Variants in IRAK2 observed in about 807,000 individuals in gnomAD.
IRAK2 encodes interleukin-1 receptor-associated kinase-like 2.
In IRAK2, 57 loss-of-function variants were observed where a neutral mutation model predicts 72.0. The observed-to-expected ratio is 0.79, with a 90% CI of 0.64 to 0.99. The LOEUF is 0.99. IRAK2 is among the 50% of genes least tolerant of loss of function. IRAK2 has a pLI of 0.00. For synonymous variants in IRAK2, 293 were observed against 312.7 expected (o/e 0.94, Z 0.67); for missense variants, 790 against 794.4 (o/e 0.99, Z 0.07).
intron 11 of IRAK2, among the ~76,000 whole-genome samples, chr3:10,237,573 C>T (rs1174428057): frequency 1.3e-4 from 19 of 151,816 alleles, no homozygotes; most frequent in Non-Finnish European, 1.5e-5. Context: ...TTTGGGAGGC[C>T]GAGGCGGGCG....
At chr3:10,237,805 CAAAAAAAA>C (rs751642671) in intron 11 of IRAK2, among the ~76,000 whole-genome samples, 9 of 55,810 alleles carry the variant, frequency 1.6e-4, no homozygotes, top group African/African-American at 5.0e-4. Context: ...GACTCTGTCT[CAAAAAAAA>C]AAAAAAAAAA....
At chr3:10,236,710 C>T (rs1424029511) in intron 11 of IRAK2, among the ~76,000 whole-genome samples, 1 of 151,992 alleles carries the variant, frequency 6.6e-6, no homozygotes, top group Non-Finnish European at 1.5e-5. Flanking sequence ...AGTTCTGTCT[C>T]CTTCAACCAA....
intron 4 of IRAK2, among the ~76,000 whole-genome samples, chr3:10,210,296 G>T (rs1045692918): frequency 2.0e-5 from 3 of 152,046 alleles, no homozygotes; most frequent in Non-Finnish European, 4.4e-5. Context: ...CGGGAGGATG[G>T]CTTCAGCCCA....
rs71055803 is a variant in IRAK2, at chr3:10,172,537, C to CAAA, written c.95-5283_95-5281dup. On this transcript the variant is annotated intron_variant, in intron 1 of 12. Coordinates refer to ENST00000256458, the MANE Select transcript of IRAK2 (RefSeq NM_001570.4). The stretch of plus-strand genomic sequence containing the variant: ...GGGCAACAAGAGTAAAACTCCGACT[C>CAAA]AAAAAAAAAAAAAAAAAAAAGGCCG... Among the ~76,000 whole-genome samples the CAAA allele has an allele frequency of 3.5e-3, 122 of 34,858 alleles. 2 individuals are homozygous for CAAA. The highest frequency in any genetic ancestry group is 5.0e-3 in the Non-Finnish European group (98 of 19,758). 22.9% of individuals were successfully genotyped at this position (34,858 alleles called of 152,430 possible).
chr3:10,209,824 A>G (rs1697490874), intron 4 of IRAK2, 132 bp downstream of exon 4: 4 of 478,896 alleles, frequency 8.4e-6, no homozygotes, highest in Non-Finnish European at 1.4e-5. Context: ...CCATCAAATT[A>G]CCCCAAGCTT....
Position 10,216,925 on chromosome 3 carries a change from C to T in IRAK2, c.789-9C>T, listed in dbSNP as rs768098909. 54 of 1,608,680 alleles carry T rather than the reference C, an allele frequency of 3.4e-5. No individual in the cohort carries two copies. Among genetic ancestry groups the T allele is most frequent in the South Asian group, 2.5e-4 (23 of 90,954 alleles). On this transcript the variant is annotated splice_polypyrimidine_tract_variant and intron_variant, in intron 6 of 12. Transcript: ENST00000256458. Reference sequence around the variant, plus strand: ...GACTCCTCACACCTGCACTGACGCCCGATTCCAGATGCTGCCACCCCAATG... The same window carrying T: ...GACTCCTCACACCTGCACTGACGCCTGATTCCAGATGCTGCCACCCCAATG...
chr3:10,232,392 G>A (rs565013320), intron 10 of IRAK2, among the ~76,000 whole-genome samples: 13 of 152,168 alleles, frequency 8.5e-5, no homozygotes, highest in Admixed American at 5.2e-4. Context: ...TCCTGGAGGC[G>A]CTGTGAGCCT....
At chr3:10,182,226 C>T (rs185078054) in intron 2 of IRAK2, among the ~76,000 whole-genome samples, 1 of 152,102 alleles carries the variant, frequency 6.6e-6, no homozygotes, top group African/African-American at 2.4e-5. Flanking sequence ...GCCTTGGCCT[C>T]CCAAAGTGCT....
chr3:10,165,442 T>C (rs554263461), intron 1 of IRAK2, among the ~76,000 whole-genome samples: 1 of 152,030 alleles, frequency 6.6e-6, no homozygotes, highest in Admixed American at 6.6e-5. Flanking sequence ...GGTGTGTGTG[T>C]GTGTGTGTGT....
Position 10,234,501 on chromosome 3 carries a change from C to G in IRAK2, c.1315C>G (p.Leu439Val), listed in dbSNP as rs11465927. ...LSDIPSSTAS[L>V]CSRKTGVENV... ...TGATATTCCAAGCAGCACCGCCTCG[C>G]TCTGCTCCAGGAAGACGGGCGTGGA... is the stretch of plus-strand genomic sequence containing the variant. Residue 439 changes from leucine to valine, a missense_variant, in exon 11 of 13, where the codon CTC (leucine) becomes GTC (valine). Coordinates refer to ENST00000256458, the MANE Select transcript of IRAK2 (RefSeq NM_001570.4). 46,920 of 1,614,072 alleles carry G rather than the reference C, an allele frequency of 0.029. 858 individuals carry two copies. The highest frequency in any genetic ancestry group is 0.06 in the Middle Eastern group (363 of 6,062).
At chr3:10,191,518 C>G (rs1481313424) in intron 2 of IRAK2, among the ~76,000 whole-genome samples, 1 of 152,204 alleles carries the variant, frequency 6.6e-6, no homozygotes, top group Non-Finnish European at 1.5e-5. Flanking sequence ...CTACCACTTT[C>G]CCCCTCAGTC....
intron 2 of IRAK2, among the ~76,000 whole-genome samples, chr3:10,192,265 G>C (rs374637390): frequency 6.6e-6 from 1 of 152,206 alleles, no homozygotes; most frequent in African/African-American, 2.4e-5. Context: ...ACAAATTACT[G>C]TGTAGTTTGA....
chr3:10,213,607 G>A (rs1334193087), intron 6 of IRAK2, 59 bp downstream of exon 6: 2 of 1,328,434 alleles, frequency 1.5e-6, no homozygotes, highest in Non-Finnish European at 2.2e-6. Context: ...TGCTTCCTGT[G>A]TGCCCAGTCA....
intron 3 of IRAK2, among the ~76,000 whole-genome samples, chr3:10,209,143 C>T (rs1486725763): frequency 6.6e-6 from 1 of 152,136 alleles, no homozygotes; most frequent in Non-Finnish European, 1.5e-5. Flanking sequence ...GGGATGTATC[C>T]TCGGAGGATA....
chr3:10,192,780 G>T (rs1480436949), intron 2 of IRAK2, among the ~76,000 whole-genome samples: 1 of 152,290 alleles, frequency 6.6e-6, no homozygotes. Context: ...TTAGCCGGGC[G>T]TGATGGTGTC....
intron 4 of IRAK2, among the ~76,000 whole-genome samples, chr3:10,210,774 G>A (rs1697505970): frequency 6.6e-6 from 1 of 152,218 alleles, no homozygotes; most frequent in African/African-American, 2.4e-5. Flanking sequence ...CACTTTGGGA[G>A]GTTGGTATGG....
rs991832790 is a variant in IRAK2 at position 10,219,538 on chromosome 3, T to C, written c.904-142T>C. On this transcript the variant is annotated intron_variant, in intron 7 of 12. Coordinates refer to ENST00000256458, the MANE Select transcript of IRAK2 (RefSeq NM_001570.4). ...TTTCACCGTGTTAGCCAGGATGGTC[T>C]CGATCTCCTGAACTAGTGATCTGCC... 9.6e-6 allele frequency: 6 copies of C among 626,076 alleles called. No individual in the cohort carries two copies. In the Admixed American group the frequency reaches 1.5e-4, roughly 15 times the overall value. 38.8% of individuals were successfully genotyped at this position (626,076 alleles called of 1,614,324 possible). A position where few individuals can be genotyped will look rare whatever the true frequency, so the allele number is the denominator to read the frequency against.
intron 4 of IRAK2, 107 bp from the exon 5 acceptor site, chr3:10,213,099 TA>T (rs1697548568): frequency 1.1e-6 from 1 of 914,226 alleles, no homozygotes; most frequent in Non-Finnish European, 1.7e-6. Context: ...TTCCATTGGA[TA>T]AGTTGATCCC....
At chr3:10,194,184 G>C (rs1490345471) in intron 2 of IRAK2, among the ~76,000 whole-genome samples, 1 of 152,232 alleles carries the variant, frequency 6.6e-6, no homozygotes. Flanking sequence ...AAGCTCAGAG[G>C]GTTAGGAGGT....
Sources: allele counts gnomAD v4.1 joint callset (sites outside exome capture counted in the v4.1 genomes callset), GRCh38; gene constraint gnomAD v4.1.1; transcripts MANE v1.5; gene names NCBI Gene and HGNC (gene_info 2026-07-23, HGNC 2026-07-21).